Variants in MCTP1 observed in about 807,000 individuals in gnomAD.
MCTP1 encodes multiple C2 and transmembrane domain-containing protein 1.
MCTP1 carries 69 observed loss-of-function variants against 120.6 expected under a neutral mutation model. The ratio of observed to expected loss-of-function variants is 0.57; its 90% CI spans 0.47 to 0.70. The LOEUF (loss-of-function observed/expected upper bound fraction) is 0.70. Ranked by LOEUF, MCTP1 falls within the 30% of genes least tolerant of loss-of-function variation. The pLI, the probability that MCTP1 is intolerant of heterozygous loss-of-function variation, is 0.00. For synonymous variants in MCTP1, 529 were observed against 493.1 expected, an observed-to-expected ratio of 1.07 and a Z score of -0.96; for missense variants, 1,203 against 1,248.8, an observed-to-expected ratio of 0.96 and a Z score of 0.55.
intron 1 of MCTP1, among the ~76,000 whole-genome samples, chr5:95,079,366 T>C (rs992905635): frequency 1.3e-5 from 2 of 152,158 alleles, no homozygotes; most frequent in African/African-American, 2.4e-5. Context: ...AAGGGCTTCA[T>C]TGTCACCTCC....
rs1326582762 is a variant in MCTP1, at chr5:94,953,324, T to C, written c.876A>G (p.Gly292=). 6 of 1,610,000 alleles carry C rather than the reference T, an allele frequency of 3.7e-6. No homozygotes were observed. Among genetic ancestry groups the C allele is most frequent in the Non-Finnish European group, 4.2e-6 (5 of 1,177,734 alleles). Residue 292 remains glycine, a synonymous_variant, in exon 3 of 23, where the codon GGA becomes GGG. Coordinates refer to ENST00000515393, the MANE Select transcript of MCTP1 (RefSeq NM_024717.7). Reference sequence around the variant, plus strand: ...TTATCTTACTTCTAAAAACTTCTTTTCCTCCGATTTTAAACTTCACATATG... The same window carrying C: ...TTATCTTACTTCTAAAAACTTCTTTCCCTCCGATTTTAAACTTCACATATG... ...SDPYVKFKIG[G]KEVFRSKIIH...
At chr5:95,089,927 A>G (rs1755714968) in intron 1 of MCTP1, among the ~76,000 whole-genome samples, 1 of 152,210 alleles carries the variant, frequency 6.6e-6, no homozygotes, top group Non-Finnish European at 1.5e-5. Context: ...TTAGTGCCCT[A>G]GTGATGTGAC....
At chr5:95,077,007 G>T (rs1019051645) in intron 1 of MCTP1, among the ~76,000 whole-genome samples, 2 of 152,094 alleles carry the variant, frequency 1.3e-5, no homozygotes, top group Non-Finnish European at 2.9e-5. Flanking sequence ...GAAACTTGCA[G>T]AATTTCCTAA....
chr5:94,873,931 A>G (rs1434682087), intron 12 of MCTP1, among the ~76,000 whole-genome samples: 2 of 151,768 alleles, frequency 1.3e-5, no homozygotes, highest in Admixed American at 1.3e-4. Flanking sequence ...TCATCTGTTT[A>G]TAACAACTCT....
chr5:94,835,526 C>T (rs1344231321), intron 17 of MCTP1, among the ~76,000 whole-genome samples: 1 of 152,134 alleles, frequency 6.6e-6, no homozygotes, highest in Non-Finnish European at 1.5e-5. Flanking sequence ...ATCTAGAGGA[C>T]TGTTGTTTGT....
intron 1 of MCTP1, among the ~76,000 whole-genome samples, chr5:95,196,584 C>T (rs1049254761): frequency 6.6e-6 from 1 of 152,134 alleles, no homozygotes; most frequent in African/African-American, 2.4e-5. Flanking sequence ...GAGAAAGAGT[C>T]GATATAATCC....
intron 9 of MCTP1, among the ~76,000 whole-genome samples, chr5:94,912,078 T>C (rs1808763946): frequency 6.6e-6 from 1 of 152,140 alleles, no homozygotes; most frequent in Non-Finnish European, 1.5e-5. Flanking sequence ...TCAGGTTGGA[T>C]AAAGTGTATA....
At chr5:94,746,629 G>C (rs914757729) in intron 19 of MCTP1, among the ~76,000 whole-genome samples, 1 of 152,196 alleles carries the variant, frequency 6.6e-6, no homozygotes, top group Non-Finnish European at 1.5e-5. Context: ...TAATAGTGCA[G>C]ACAAAACTGA....
intron 1 of MCTP1, among the ~76,000 whole-genome samples, chr5:95,055,409 G>A (rs1270317585): frequency 1.3e-5 from 2 of 152,148 alleles, no homozygotes; most frequent in African/African-American, 4.8e-5. Context: ...ATATTTAATA[G>A]TATTACTAAT....
intron 1 of MCTP1, among the ~76,000 whole-genome samples, chr5:95,073,777 GC>G (rs1052043286): frequency 9.9e-5 from 15 of 152,116 alleles, no homozygotes; most frequent in African/African-American, 3.6e-4. Context: ...CATTCTTGGT[GC>G]CCCAGGTTTT....
At chr5:95,066,212 G>T (rs767902582) in intron 1 of MCTP1, among the ~76,000 whole-genome samples, 2 of 152,060 alleles carry the variant, frequency 1.3e-5, no homozygotes, top group Non-Finnish European at 1.5e-5. Flanking sequence ...AGATCTTCCT[G>T]AAAAGACATA....
intron 1 of MCTP1, among the ~76,000 whole-genome samples, chr5:95,147,189 C>T (rs1350381857): frequency 6.6e-6 from 1 of 152,048 alleles, no homozygotes; most frequent in Non-Finnish European, 1.5e-5. Flanking sequence ...TGGGTTCATG[C>T]CATTCTCCTT....
intron 1 of MCTP1, among the ~76,000 whole-genome samples, chr5:95,279,117 T>G (rs184319056): frequency 1.7e-4 from 26 of 152,334 alleles, no homozygotes; most frequent in African/African-American, 6.3e-4. Flanking sequence ...GACATATTAT[T>G]TATACTCCAT....
chr5:95,216,685 A>G (rs1753078275), intron 1 of MCTP1, among the ~76,000 whole-genome samples: 1 of 152,116 alleles, frequency 6.6e-6, no homozygotes, highest in Non-Finnish European at 1.5e-5. Flanking sequence ...GTGAAATGGC[A>G]AAATTATAAA....
chr5:94,827,103 GT>G (rs1160596478), intron 17 of MCTP1, among the ~76,000 whole-genome samples: 1 of 152,058 alleles, frequency 6.6e-6, no homozygotes, highest in East Asian at 1.9e-4. Context: ...GCAGTGGCCG[GT>G]TCTGGTTTTT....
At chr5:95,045,071 C>A (rs6862790) in intron 1 of MCTP1, among the ~76,000 whole-genome samples, 86,629 of 151,944 alleles carry the variant, frequency 0.57, 26,609 homozygotes, top group Non-Finnish European at 0.69. Flanking sequence ...AATTTCACCT[C>A]CAGCTACCTT....
intron 1 of MCTP1, among the ~76,000 whole-genome samples, chr5:95,112,109 C>A (rs1582273770): frequency 6.6e-6 from 1 of 152,168 alleles, no homozygotes; most frequent in East Asian, 1.9e-4. Flanking sequence ...TAATGCCTTA[C>A]AGAAAAGAAG....
Position 95,167,958 on chromosome 5 carries a change from G to T in MCTP1, c.720+115898C>A, listed in dbSNP as rs560522775. Among the ~76,000 whole-genome samples the T allele has an allele frequency of 1.6e-3, 241 of 152,314 alleles. 1 individual carries two copies. The highest frequency in any genetic ancestry group is 5.6e-3 in the African/African-American group (234 of 41,580). ...CCATTGCTTTTGGTGTTTTAGACAT[G>T]AAGTCCTTGCCCATGCCTATGTCCT... is the stretch of plus-strand genomic sequence containing the variant. On this transcript the variant is annotated intron_variant, in intron 1 of 22. Coordinates refer to ENST00000515393, the MANE Select transcript of MCTP1 (RefSeq NM_024717.7).
chr5:94,986,666 T>C (rs1311234167), intron 2 of MCTP1, among the ~76,000 whole-genome samples: 1 of 152,132 alleles, frequency 6.6e-6, no homozygotes, highest in Non-Finnish European at 1.5e-5. Context: ...TGTGCCACCA[T>C]GCCTGGCTAA....
Sources: gnomAD v4.1 joint callset for allele counts (sites outside exome capture counted in the v4.1 genomes callset) on GRCh38, gnomAD v4.1.1 for gene constraint, MANE v1.5 for transcripts, NCBI Gene and HGNC (gene_info 2026-07-23, HGNC 2026-07-21) for gene names.